Variants in CTNNA3 observed in about 807,000 individuals in gnomAD.
CTNNA3 encodes the protein catenin alpha 3.
CTNNA3 carries 76 observed loss-of-function variants against 95.7 expected under a neutral mutation model. The ratio of observed to expected loss-of-function variants is 0.79; its 90% CI spans 0.66 to 0.96. CTNNA3 has a LOEUF of 0.96. Ranked by LOEUF, CTNNA3 falls within the 40% of genes least tolerant of loss-of-function variation. The pLI, the probability that CTNNA3 is intolerant of heterozygous loss-of-function variation, is 0.00. For synonymous variants in CTNNA3, 431 were observed against 374.4 expected, an observed-to-expected ratio of 1.15 and a Z score of -1.74; for missense variants, 1,191 against 1,089.8, an observed-to-expected ratio of 1.09 and a Z score of -1.31.
intron 13 of CTNNA3, among the ~76,000 whole-genome samples, chr10:66,232,915 T>C (rs1269741195): frequency 6.6e-6 from 1 of 152,028 alleles, no homozygotes; most frequent in African/African-American, 2.4e-5. Flanking sequence ...CCCAGCATTT[T>C]GGGAGGCCGA....
intron 7 of CTNNA3, among the ~76,000 whole-genome samples, chr10:66,830,440 T>C (rs1359106299): frequency 1.0e-5 from 1 of 96,976 alleles, no homozygotes; most frequent in Non-Finnish European, 3.0e-5. Context: ...CCGACAGAGG[T>C]TAAGTTATTT....
At chr10:67,617,074 G>A (rs1480598939) in intron 2 of CTNNA3, among the ~76,000 whole-genome samples, 1 of 152,146 alleles carries the variant, frequency 6.6e-6, no homozygotes, top group African/African-American at 2.4e-5. Flanking sequence ...TTATTTAGAG[G>A]AAATGCCTGG....
intron 7 of CTNNA3, among the ~76,000 whole-genome samples, chr10:67,150,463 A>C (rs2132064569): frequency 6.6e-6 from 1 of 152,344 alleles, no homozygotes; most frequent in Non-Finnish European, 1.5e-5. Context: ...GAGGAACAAA[A>C]TATTCATCTC....
At chr10:67,367,541 T>C (rs981805882) in intron 5 of CTNNA3, among the ~76,000 whole-genome samples, 2 of 152,182 alleles carry the variant, frequency 1.3e-5, no homozygotes, top group African/African-American at 2.4e-5. Context: ...AGAATTACCA[T>C]GCGAACAGCA....
intron 11 of CTNNA3, among the ~76,000 whole-genome samples, chr10:66,445,417 T>A (rs2093412309): frequency 6.6e-6 from 1 of 152,060 alleles, no homozygotes; most frequent in African/African-American, 2.4e-5. Context: ...GACCACATAG[T>A]TGGAAGTAAA....
At chr10:66,006,659 G>A (rs1036455255) in intron 15 of CTNNA3, among the ~76,000 whole-genome samples, 31 of 151,678 alleles carry the variant, frequency 2.0e-4, no homozygotes, top group Admixed American at 1.3e-4. Flanking sequence ...TTCCAGCTTC[G>A]CTTTAAACCA....
chr10:67,407,224 T>C (rs1296353901), intron 5 of CTNNA3, among the ~76,000 whole-genome samples: 1 of 152,182 alleles, frequency 6.6e-6, no homozygotes, highest in African/African-American at 2.4e-5. Context: ...TCTACCATGA[T>C]TAAGTAGTCT....
intron 13 of CTNNA3, among the ~76,000 whole-genome samples, chr10:66,258,284 G>A (rs10822779): frequency 0.27 from 41,604 of 152,018 alleles, 7,475 homozygotes; most frequent in African/African-American, 0.51. Flanking sequence ...CACAGAAAGC[G>A]TTCACTTTTG....
At chr10:66,485,180 T>G (rs977441766) in intron 11 of CTNNA3, among the ~76,000 whole-genome samples, 1 of 152,096 alleles carries the variant, frequency 6.6e-6, no homozygotes, top group Admixed American at 6.5e-5. Flanking sequence ...ATAAGAAAAG[T>G]GTGCATACTT....
At chr10:66,529,579 G>A (rs1463229741) in intron 10 of CTNNA3, among the ~76,000 whole-genome samples, 1 of 151,682 alleles carries the variant, frequency 6.6e-6, no homozygotes, top group Non-Finnish European at 1.5e-5. Context: ...ATGTGACAGT[G>A]GTTTTCTTCA....
At chr10:66,937,898 T>C (rs72804630) in intron 7 of CTNNA3, among the ~76,000 whole-genome samples, 42,259 of 151,910 alleles carry the variant, frequency 0.28, 6,164 homozygotes, top group Middle Eastern at 0.34. Flanking sequence ...CTGTTTTTTT[T>C]CCCCCTCTCC....
chr10:67,155,023 T>C (rs10822989), intron 7 of CTNNA3, among the ~76,000 whole-genome samples: 96,145 of 145,884 alleles, frequency 0.66, 31,606 homozygotes, highest in African/African-American at 0.82. Flanking sequence ...AATTGTTTCT[T>C]TTTTTTAGCA....
intron 7 of CTNNA3, among the ~76,000 whole-genome samples, chr10:67,038,191 C>T (rs1463037627): frequency 1.3e-5 from 2 of 151,970 alleles, no homozygotes; most frequent in African/African-American, 2.4e-5. Flanking sequence ...GGATAATCCT[C>T]CTGAATATAA....
At chr10:67,574,848 T>C (rs1161670517) in intron 3 of CTNNA3, among the ~76,000 whole-genome samples, 1 of 152,180 alleles carries the variant, frequency 6.6e-6, no homozygotes, top group Non-Finnish European at 1.5e-5. Flanking sequence ...CCCAAAGTGT[T>C]GGGATTACAG....
At chr10:66,736,713 T>C (rs902710812) in intron 9 of CTNNA3, among the ~76,000 whole-genome samples, 36 of 152,148 alleles carry the variant, frequency 2.4e-4, no homozygotes, top group African/African-American at 8.4e-4. Flanking sequence ...CAATATATAT[T>C]TTAAAATTTC....
At chr10:66,859,739 C>A (rs1473774228) in intron 7 of CTNNA3, among the ~76,000 whole-genome samples, 1 of 127,190 alleles carries the variant, frequency 7.9e-6, no homozygotes, top group Non-Finnish European at 1.7e-5. Context: ...CGGCACTATT[C>A]ACAATAGCAA....
At chr10:66,070,489 C>T (rs1027525902) in intron 14 of CTNNA3, among the ~76,000 whole-genome samples, 1 of 152,122 alleles carries the variant, frequency 6.6e-6, no homozygotes, top group African/African-American at 2.4e-5. Flanking sequence ...CAGATAGGTT[C>T]AACTGGTGCT....
intron 13 of CTNNA3, among the ~76,000 whole-genome samples, chr10:66,220,509 C>T (rs2088866505): frequency 6.6e-6 from 1 of 152,140 alleles, no homozygotes; most frequent in Admixed American, 6.5e-5. Context: ...GTGTGTGATA[C>T]AGTGTGGTCT....
intron 15 of CTNNA3, among the ~76,000 whole-genome samples, chr10:66,028,392 G>A (rs1023008390): frequency 1.2e-4 from 18 of 152,136 alleles, no homozygotes; most frequent in Admixed American, 3.9e-4. Context: ...TGGCACATAT[G>A]CACCATGGAA....
Sources: gnomAD v4.1 joint callset for allele counts (sites outside exome capture counted in the v4.1 genomes callset) on GRCh38, gnomAD v4.1.1 for gene constraint, MANE v1.5 for transcripts, NCBI Gene and HGNC (gene_info 2026-07-23, HGNC 2026-07-21) for gene names.